Variants in GEMIN2 observed in about 807,000 individuals in gnomAD.
GEMIN2 encodes the protein gem-associated protein 2.
Under a neutral mutation model 45.8 loss-of-function variants are expected in GEMIN2, and 37 were observed. The observed-to-expected ratio is 0.81, with a 90% CI of 0.62 to 1.06. The LOEUF is 1.06. Among genes scored for constraint, GEMIN2 ranks in the 50% least tolerant of loss-of-function variants. The pLI, the probability that GEMIN2 is intolerant of heterozygous loss-of-function variation, is 0.00. For synonymous variants in GEMIN2, 101 were observed against 111.5 expected, an observed-to-expected ratio of 0.91 and a Z score of 0.60; for missense variants, 335 against 321.8, an observed-to-expected ratio of 1.04 and a Z score of -0.31.
chr14:39,114,536 T>A lies in GEMIN2; in HGVS notation c.137+61T>A, dbSNP rs375152011. The stretch of plus-strand genomic sequence containing the variant: ...TCTGCCCTGCCCCTGGGTACAGCCC[T>A]CGGTGCTCTATTCCCGTTCCAGTCT... On this transcript the variant is annotated intron_variant, in intron 1 of 9. Transcript: ENST00000308317. 9.1e-5 allele frequency: 113 copies of A among 1,241,150 alleles called. 1 individual carries two copies. The South Asian group carries it at 1.3e-3, about 15-fold the overall frequency. The allele number at this position is 1,241,150 out of a possible 1,614,324, so 76.9% of individuals were successfully genotyped here.
At chr14:39,121,207 C>G (rs1186063744) in intron 4 of GEMIN2, among the ~76,000 whole-genome samples, 1 of 152,144 alleles carries the variant, frequency 6.6e-6, no homozygotes, top group Non-Finnish European at 1.5e-5. Context: ...ACACCATTGT[C>G]TGTCAGTGTC....
intron 7 of GEMIN2, among the ~76,000 whole-genome samples, chr14:39,130,676 T>C (rs2052704561): frequency 6.6e-6 from 1 of 151,996 alleles, no homozygotes; most frequent in South Asian, 2.1e-4. Flanking sequence ...GGCGGATCAC[T>C]TGAGGTCAGG....
intron 9 of GEMIN2, among the ~76,000 whole-genome samples, chr14:39,134,540 T>G (rs1295448829): frequency 6.6e-6 from 1 of 152,250 alleles, no homozygotes; most frequent in Non-Finnish European, 1.5e-5. Context: ...ATAATATACT[T>G]AAATATTGGG....
intron 7 of GEMIN2, among the ~76,000 whole-genome samples, chr14:39,129,332 A>T (rs1022394173): frequency 1.3e-5 from 2 of 152,108 alleles, no homozygotes; most frequent in African/African-American, 2.4e-5. Context: ...TCACCTAACA[A>T]TGCATTTCTC....
At chr14:39,129,951 T>C (rs2052696047) in intron 7 of GEMIN2, among the ~76,000 whole-genome samples, 1 of 140,734 alleles carries the variant, frequency 7.1e-6, no homozygotes, top group African/African-American at 2.7e-5. Context: ...TTTTTTTTTT[T>C]TTTTTTTGAG....
rs1197611235 is a variant in GEMIN2 at position 39,136,874 on chromosome 14, C to G, written c.*395C>G. 2 of 157,170 alleles carry G rather than the reference C, an allele frequency of 1.3e-5. No homozygotes were observed. Among genetic ancestry groups the G allele is most frequent in the African/African-American group, 4.9e-5 (2 of 41,212 alleles). The allele number at this position is 157,170 out of a possible 1,614,324, so 9.7% of individuals were successfully genotyped here. On this transcript the variant is annotated 3_prime_UTR_variant, in exon 10 of 10. Transcript: ENST00000308317. Reference sequence around the variant, plus strand: ...TACTAAAATTTTGTTTGACTCCTAACAAAAGACAATGGATGGCCTTAGCAT... The same window carrying G: ...TACTAAAATTTTGTTTGACTCCTAAGAAAAGACAATGGATGGCCTTAGCAT...
At chr14:39,133,147 ATATT>A (rs1350766801) in intron 8 of GEMIN2, among the ~76,000 whole-genome samples, 1 of 132,750 alleles carries the variant, frequency 7.5e-6, no homozygotes, top group Non-Finnish European at 1.6e-5. Context: ...ATATTCATAT[ATATT>A]CTATATATAT....
chr14:39,131,787 A>G (rs2052719427), intron 7 of GEMIN2, 171 bp from the exon 8 acceptor site: 1 of 533,576 alleles, frequency 1.9e-6, no homozygotes, highest in Admixed American at 3.5e-5. Flanking sequence ...GATACAAGAG[A>G]TAACACCTGG....
chr14:39,132,987 TG>T, intron 8 of GEMIN2, among the ~76,000 whole-genome samples: 1 of 121,012 alleles, frequency 8.3e-6, no homozygotes, highest in East Asian at 2.0e-4. Flanking sequence ...TGTGTGTGTG[TG>T]TGTGTGTGTG....
rs747930374 is a variant in GEMIN2 at position 39,114,323 on chromosome 14, G to A, written c.-16G>A. The A allele has an allele frequency of 1.2e-6, 2 of 1,613,806 alleles. No individual in the cohort carries two copies. The highest frequency in any genetic ancestry group is 1.1e-5 in the South Asian group (1 of 91,030). On this transcript the variant is annotated 5_prime_UTR_variant, in exon 1 of 10. Coordinates refer to ENST00000308317, the MANE Select transcript of GEMIN2 (RefSeq NM_003616.3). ...ATGGGCGCATGCGCCGAGCGGAACT[G>A]GCTGGTTTGAAAACCATGGCGTGGG...
At chr14:39,120,194 T>C (rs917842762) in intron 4 of GEMIN2, among the ~76,000 whole-genome samples, 2 of 152,184 alleles carry the variant, frequency 1.3e-5, no homozygotes, top group African/African-American at 4.8e-5. Flanking sequence ...TTTTAAGTGT[T>C]TGTCATGGCA....
chr14:39,114,372 G>GA lies in GEMIN2; in HGVS notation c.35dup (p.Leu13ValfsTer49). ...GGTACCAGCGGAGTCCGCAGTGGAA[G>GA]AGTTGATGCCTCGGCTATTGCCGGT... is the stretch of plus-strand genomic sequence containing the variant. On this transcript the variant is annotated frameshift_variant, in exon 1 of 10. Transcript: ENST00000308317. LOFTEE classifies it high-confidence loss of function. The GA allele has an allele frequency of 6.2e-7, 1 of 1,613,864 alleles. No individual in the cohort carries two copies. Among genetic ancestry groups the GA allele is most frequent in the Non-Finnish European group, 8.5e-7 (1 of 1,179,690 alleles).
intron 9 of GEMIN2, 43 bp downstream of exon 9, chr14:39,133,762 C>A: frequency 1.9e-6 from 2 of 1,067,126 alleles, no homozygotes; most frequent in Non-Finnish European, 2.7e-6. Flanking sequence ...TCAGTGAGGT[C>A]AGTGAGGTTA....
intron 6 of GEMIN2, among the ~76,000 whole-genome samples, chr14:39,127,862 G>C (rs574600973): frequency 1.6e-4 from 25 of 152,134 alleles, no homozygotes; most frequent in African/African-American, 5.5e-4. Context: ...CTGAGGTCGA[G>C]AGTTCGACCA....
intron 2 of GEMIN2, among the ~76,000 whole-genome samples, chr14:39,117,335 C>A (rs536812359): frequency 6.6e-6 from 1 of 150,992 alleles, no homozygotes; most frequent in South Asian, 2.1e-4. Context: ...GTACATTTTG[C>A]CCATACCAAA....
intron 2 of GEMIN2, among the ~76,000 whole-genome samples, chr14:39,116,809 G>A (rs2052514347): frequency 6.6e-6 from 1 of 152,126 alleles, no homozygotes; most frequent in South Asian, 2.1e-4. Flanking sequence ...AGAGTACAGT[G>A]CCACGATCAT....
chr14:39,114,337 C>G lies in GEMIN2; in HGVS notation c.-2C>G. The G allele has an allele frequency of 1.2e-6, 2 of 1,613,948 alleles. No homozygotes were observed. Among genetic ancestry groups the G allele is most frequent in the East Asian group, 2.2e-5 (1 of 44,878 alleles). The stretch of plus-strand genomic sequence containing the variant: ...CGAGCGGAACTGGCTGGTTTGAAAA[C>G]CATGGCGTGGGTACCAGCGGAGTCC... On this transcript the variant is annotated 5_prime_UTR_variant, in exon 1 of 10. Transcript: ENST00000308317.
At chr14:39,135,819 A>G (rs1566539213) in intron 9 of GEMIN2, among the ~76,000 whole-genome samples, 1 of 152,202 alleles carries the variant, frequency 6.6e-6, no homozygotes, top group Non-Finnish European at 1.5e-5. Flanking sequence ...CATTTGGAGT[A>G]TTTTAGCATC....
intron 6 of GEMIN2, among the ~76,000 whole-genome samples, chr14:39,127,176 T>C (rs1386301300): frequency 6.7e-6 from 1 of 149,482 alleles, no homozygotes; most frequent in African/African-American, 2.5e-5. Context: ...CTGCAACCTC[T>C]GCCTCCTGGG....
Sources: gnomAD v4.1 joint callset for allele counts (sites outside exome capture counted in the v4.1 genomes callset) on GRCh38, gnomAD v4.1.1 for gene constraint, MANE v1.5 for transcripts, NCBI Gene and HGNC (gene_info 2026-07-23, HGNC 2026-07-21) for gene names.